The following MYCBP2 variants were observed in gnomAD, a reference collection of about 807,000 sequenced individuals.
MYCBP2 encodes the protein E3 ubiquitin-protein ligase MYCBP2.
In MYCBP2, 120 loss-of-function variants were observed where a neutral mutation model predicts 525.3. That is an observed-to-expected ratio of 0.23 (90% CI 0.20 to 0.27). The LOEUF is 0.27. Ranked by LOEUF, MYCBP2 falls within the 10% of genes least tolerant of loss-of-function variation. The pLI is 1.00. For missense variants in MYCBP2, 4,149 were observed against 5,657.1 expected (o/e 0.73, Z 8.55); for synonymous variants, 1,894 against 1,955.8 (o/e 0.97, Z 0.83).
chr13:77,181,392 C>T (rs947024014), intron 33 of MYCBP2, among the ~76,000 whole-genome samples: 1 of 151,966 alleles, frequency 6.6e-6, no homozygotes, highest in Non-Finnish European at 1.5e-5. Context: ...CTGCAACTTA[C>T]CTTCAAATGG....
rs1399954105 is a variant in MYCBP2 at position 77,102,422 on chromosome 13, T to C, written c.8141-3409A>G. Among the ~76,000 whole-genome samples, 3 of 151,816 alleles carry C rather than the reference T, an allele frequency of 2.0e-5. No individual in the cohort carries two copies. The East Asian group carries it at 5.8e-4, about 29-fold the overall frequency. On this transcript the variant is annotated intron_variant, in intron 55 of 82. Coordinates refer to ENST00000544440, the MANE Select transcript of MYCBP2 (RefSeq NM_015057.5). The stretch of plus-strand genomic sequence containing the variant: ...AATTAGTTGAAAAACTTATACAATA[T>C]GTTAGGCATTGCTGTAAAAGTTCTT...
At chr13:77,198,549 T>A (rs2062015680) in intron 26 of MYCBP2, among the ~76,000 whole-genome samples, 1 of 152,232 alleles carries the variant, frequency 6.6e-6, no homozygotes, top group Non-Finnish European at 1.5e-5. Flanking sequence ...ACTATAGTTT[T>A]CTCTTTCACT....
At chr13:77,117,987 G>GA (rs1594697945) in intron 55 of MYCBP2, among the ~76,000 whole-genome samples, 1 of 152,064 alleles carries the variant, frequency 6.6e-6, no homozygotes. Context: ...AATTCACTTA[G>GA]AAAAAACAAA....
intron 79 of MYCBP2, among the ~76,000 whole-genome samples, chr13:77,056,739 G>C (rs1051380356): frequency 2.0e-5 from 3 of 152,172 alleles, no homozygotes; most frequent in Admixed American, 2.0e-4. Flanking sequence ...AATGCATCAC[G>C]ATGTTTAAAT....
At chr13:77,099,691 G>A (rs1220625348) in intron 55 of MYCBP2, 1 of 152,194 alleles carries the variant, frequency 6.6e-6, no homozygotes, top group Non-Finnish European at 1.5e-5. Context: ...CTCAGAGCCT[G>A]TGTTCCCTTG....
At position 77,323,785 on chromosome 13, in the gene MYCBP2, T is replaced by C. The variant is rs1198397262; in HGVS notation, c.302+2689A>G. 2.6e-5 allele frequency among the ~76,000 whole-genome samples: 4 copies of C among 152,314 alleles called. No individual in the cohort carries two copies. In the South Asian group the frequency reaches 6.2e-4, roughly 24 times the overall value. ...TAGACATTGGGATTATCAAAACGAA[T>C]AGGATATGATGCCTATCCTCAATAA... On this transcript the variant is annotated intron_variant, in intron 1 of 82. Transcript: ENST00000544440.
chr13:77,166,210 A>G, intron 41 of MYCBP2, 119 bp downstream of exon 41: 1 of 729,850 alleles, frequency 1.4e-6, no homozygotes. Flanking sequence ...CCAGATACAT[A>G]GTAGGTCTTT....
At chr13:77,053,889 T>C (rs2037334818) in intron 80 of MYCBP2, among the ~76,000 whole-genome samples, 1 of 152,156 alleles carries the variant, frequency 6.6e-6, no homozygotes, top group Admixed American at 6.5e-5. Context: ...AAGTGCAAAG[T>C]ACTAGAGATA....
At chr13:77,137,850 C>T (rs1308257299) in intron 52 of MYCBP2, among the ~76,000 whole-genome samples, 1 of 152,058 alleles carries the variant, frequency 6.6e-6, no homozygotes, top group African/African-American at 2.4e-5. Context: ...TCCAAAAGTG[C>T]TGGGATTACA....
At chr13:77,106,565 T>C (rs2047881600) in intron 55 of MYCBP2, among the ~76,000 whole-genome samples, 1 of 152,110 alleles carries the variant, frequency 6.6e-6, no homozygotes, top group Admixed American at 6.6e-5. Flanking sequence ...GACATTCCAC[T>C]GGGATGCTAC....
chr13:77,307,622 T>C (rs1386331152), intron 1 of MYCBP2, among the ~76,000 whole-genome samples: 1 of 90,022 alleles, frequency 1.1e-5, no homozygotes, highest in Non-Finnish European at 2.0e-5. Context: ...TGAGACCCTG[T>C]CTCAAAAAAA....
chr13:77,286,980 G>GT (rs1174590458), intron 3 of MYCBP2, among the ~76,000 whole-genome samples: 1 of 148,348 alleles, frequency 6.7e-6, no homozygotes, highest in African/African-American at 2.5e-5. Flanking sequence ...CGCCTCCCGG[G>GT]TTCACGCCAT....
At chr13:77,279,742 T>C (rs60429544) in intron 3 of MYCBP2, among the ~76,000 whole-genome samples, 1 of 152,206 alleles carries the variant, frequency 6.6e-6, no homozygotes, top group African/African-American at 2.4e-5. Context: ...ACTCATATTG[T>C]GCAAACTCAC....
At position 77,057,043 on chromosome 13, in the gene MYCBP2, T is replaced by G; in HGVS notation, c.13380A>C (p.Glu4460Asp). 6.2e-7 allele frequency: 1 copy of G among 1,614,018 alleles called. No individual in the cohort carries two copies. The highest frequency in any genetic ancestry group is 8.5e-7 in the Non-Finnish European group (1 of 1,179,956). ...TTATCCTTGGGCCAAGCCATCGATT[T>G]TCTAATACTCGCCGACAGCACTGTA... ...FHLQCCRRVL[E>D]NRWLGPRITF... is the part of the protein sequence containing the mutation. The change falls in exon 79 of 83, where the codon GAA (glutamate) becomes GAC (aspartate). Residue 4460 changes from glutamate to aspartate, a missense_variant. Glu to Asp is a conservative substitution (Grantham distance 45, BLOSUM62 2). Transcript: ENST00000544440.
intron 80 of MYCBP2, among the ~76,000 whole-genome samples, chr13:77,053,408 A>G (rs1451214204): frequency 6.6e-6 from 1 of 152,236 alleles, no homozygotes; most frequent in Non-Finnish European, 1.5e-5. Context: ...CGGATTGGGA[A>G]TAAACAAACT....
Position 77,214,597 on chromosome 13 carries a change from T to G in MYCBP2, c.3058-2437A>C, listed in dbSNP as rs190440208. ...GGGAAATATATATATTTATGTACAGTCACATGTCACTTAATGACAGGGATA... is the reference window on the plus strand; with the variant it reads ...GGGAAATATATATATTTATGTACAGGCACATGTCACTTAATGACAGGGATA... On this transcript the variant is annotated intron_variant, in intron 21 of 82. Coordinates refer to ENST00000544440, the MANE Select transcript of MYCBP2 (RefSeq NM_015057.5). Among the ~76,000 whole-genome samples, 414 of 152,308 alleles carry G rather than the reference T, an allele frequency of 2.7e-3. 1 individual carries two copies. The highest frequency in any genetic ancestry group is 9.4e-3 in the African/African-American group (390 of 41,576).
chr13:77,178,045 T>C (rs2154243153), intron 34 of MYCBP2, 91 bp from the exon 35 acceptor site: 1 of 778,922 alleles, frequency 1.3e-6, no homozygotes, highest in Admixed American at 2.0e-5. Context: ...AAATAACCTT[T>C]ATTTAATAAG....
chr13:77,168,925 A>G (rs2058826830), intron 39 of MYCBP2, among the ~76,000 whole-genome samples: 1 of 152,204 alleles, frequency 6.6e-6, no homozygotes, highest in Non-Finnish European at 1.5e-5. Context: ...ATAGTTTATC[A>G]TTTCTTCCAT....
chr13:77,199,158 C>T (rs547627651), intron 26 of MYCBP2, among the ~76,000 whole-genome samples: 1 of 152,226 alleles, frequency 6.6e-6, no homozygotes, highest in African/African-American at 2.4e-5. Context: ...GAGTGCCAGA[C>T]AGTGGGAGCA....
Sources: gnomAD v4.1 joint callset for allele counts (sites outside exome capture counted in the v4.1 genomes callset) on GRCh38, gnomAD v4.1.1 for gene constraint, MANE v1.5 for transcripts, NCBI Gene and HGNC (gene_info 2026-07-23, HGNC 2026-07-21) for gene names.